Variants in SMG6 observed in about 807,000 individuals in gnomAD.
SMG6 encodes telomerase-binding protein EST1A.
A neutral mutation model predicts 142.2 loss-of-function variants in SMG6; 66 were observed. That is an observed-to-expected ratio of 0.46 (90% CI 0.38 to 0.57). SMG6 has a LOEUF of 0.57. Among genes scored for constraint, SMG6 ranks in the 20% least tolerant of loss-of-function variants. SMG6 has a pLI of 0.00. For synonymous variants in SMG6, 779 were observed against 702.4 expected, an observed-to-expected ratio of 1.11 and a Z score of -1.72; for missense variants, 1,793 against 1,832.0, an observed-to-expected ratio of 0.98 and a Z score of 0.39.
rs1391864491 is a variant in SMG6, at chr17:2,085,206, C to T, written c.3534+519G>A. Among the ~76,000 whole-genome samples, 1 of 145,902 alleles carries T rather than the reference C, an allele frequency of 6.9e-6. No individual in the cohort carries two copies. The highest frequency in any genetic ancestry group is 1.5e-5 in the Non-Finnish European group (1 of 66,664). On this transcript the variant is annotated intron_variant, in intron 14 of 18. Coordinates refer to ENST00000263073, the MANE Select transcript of SMG6 (RefSeq NM_017575.5). This position sits in a 1 kb window ranked among gnomAD's most constrained non-coding sequence, Gnocchi z 4.1. Reference sequence around the variant, plus strand: ...TGGAGTGAAGCAAGGGCTACAGGAACAACCAAGGGCAAACAAACAAGAGGA... The same window carrying T: ...TGGAGTGAAGCAAGGGCTACAGGAATAACCAAGGGCAAACAAACAAGAGGA...
At chr17:2,117,456 G>T (rs1326020735) in intron 13 of SMG6, among the ~76,000 whole-genome samples, 1 of 151,982 alleles carries the variant, frequency 6.6e-6, no homozygotes, top group Non-Finnish European at 1.5e-5. Flanking sequence ...ATGTCTTTAG[G>T]ATTGAAGGAT....
chr17:2,280,684 A>ATTTT, intron 8 of SMG6: 4 of 653,992 alleles, frequency 6.1e-6, no homozygotes, highest in South Asian at 6.8e-5. Flanking sequence ...CTAAAAATAT[A>ATTTT]TAGTTTCATC....
chr17:2,275,601 T>C (rs1567738803), intron 8 of SMG6, among the ~76,000 whole-genome samples: 1 of 152,216 alleles, frequency 6.6e-6, no homozygotes, highest in Non-Finnish European at 1.5e-5. Context: ...CTTTTCAGTG[T>C]GAAAATGATT....
chr17:2,209,351 C>T (rs184451240), intron 10 of SMG6, among the ~76,000 whole-genome samples: 21 of 152,076 alleles, frequency 1.4e-4, no homozygotes, highest in Admixed American at 5.9e-4. Context: ...TACACGTGCA[C>T]GCCACCATGC....
intron 10 of SMG6, among the ~76,000 whole-genome samples, chr17:2,227,732 A>C (rs2073359018): frequency 6.6e-6 from 1 of 152,198 alleles, no homozygotes; most frequent in Non-Finnish European, 1.5e-5. Flanking sequence ...ATTGTATGTA[A>C]ACTTTACTTC....
At chr17:2,074,360 T>C (rs1054625292) in intron 15 of SMG6, among the ~76,000 whole-genome samples, 18 of 152,060 alleles carry the variant, frequency 1.2e-4, no homozygotes, top group African/African-American at 1.7e-4. Flanking sequence ...TGGCTAACTG[T>C]TCATCCTGGG....
intron 13 of SMG6, among the ~76,000 whole-genome samples, chr17:2,149,221 A>G (rs558032332): frequency 0.01 from 1,577 of 151,708 alleles, 30 homozygotes; most frequent in African/African-American, 0.034. Flanking sequence ...GTGGTGGCAC[A>G]TGCCTGTAAT....
intron 13 of SMG6, chr17:2,087,201 A>G (rs760137239): frequency 7.7e-7 from 1 of 1,290,462 alleles, no homozygotes; most frequent in South Asian, 1.2e-5. Context: ...TGTAAGGACA[A>G]GCTGTGCACA....
chr17:2,220,714 T>C (rs1216473654), intron 10 of SMG6, among the ~76,000 whole-genome samples: 1 of 152,234 alleles, frequency 6.6e-6, no homozygotes, highest in Non-Finnish European at 1.5e-5. Flanking sequence ...TACTATTATT[T>C]GTATGTAAAT....
intron 8 of SMG6, among the ~76,000 whole-genome samples, chr17:2,277,684 T>C (rs1443107742): frequency 3.3e-4 from 50 of 152,216 alleles, no homozygotes; most frequent in Admixed American, 3.3e-3. Context: ...ATAATTTATG[T>C]TCAAATAATA....
intron 13 of SMG6, 64 bp downstream of exon 13, chr17:2,172,594 A>G: frequency 6.4e-7 from 1 of 1,563,576 alleles, no homozygotes. Flanking sequence ...CTTCCCAAGA[A>G]TAAAAAAGTC....
intron 13 of SMG6, among the ~76,000 whole-genome samples, chr17:2,111,984 G>C (rs1233478727): frequency 6.6e-6 from 1 of 152,130 alleles, no homozygotes; most frequent in Non-Finnish European, 1.5e-5. Flanking sequence ...TATCTTCCCT[G>C]TGGTTTATCT....
At chr17:2,282,594 C>A in intron 8 of SMG6, 53 bp downstream of exon 8, 1 of 1,571,516 alleles carries the variant, frequency 6.4e-7, no homozygotes, top group East Asian at 2.2e-5. Flanking sequence ...TGAACCAGGG[C>A]ACCCAGGCTT....
intron 10 of SMG6, among the ~76,000 whole-genome samples, chr17:2,225,925 T>C (rs1220991602): frequency 6.6e-6 from 1 of 151,818 alleles, no homozygotes; most frequent in African/African-American, 2.4e-5. Context: ...CCGGAGAAAA[T>C]TTCTGCAAAA....
chr17:2,172,984 A>G, intron 12 of SMG6, 125 bp from the exon 13 acceptor site: 1 of 887,988 alleles, frequency 1.1e-6, no homozygotes, highest in Non-Finnish European at 1.7e-6. Flanking sequence ...CTGCCAGGAA[A>G]TCATACCCCA....
At chr17:2,298,108 A>G (rs2075184166) in intron 2 of SMG6, 53 bp from the exon 3 acceptor site, 2 of 1,522,538 alleles carry the variant, frequency 1.3e-6, no homozygotes, top group East Asian at 2.3e-5. Flanking sequence ...AGAAAAAGCT[A>G]GACTCAAGTT....
At position 2,299,143 on chromosome 17, in the gene SMG6, C is replaced by A. The variant is rs769291662; in HGVS notation, c.1610G>T (p.Gly537Val). ...PLQYPVGPTN[G>V]VYPGPYYPGY... ...TGGGTAGTAAGGCCCTGGGTACACACCATTCGTAGGGCCCACTGGGTACTG... is the reference window on the plus strand; with the variant it reads ...TGGGTAGTAAGGCCCTGGGTACACAACATTCGTAGGGCCCACTGGGTACTG... Residue 537 changes from glycine to valine, a missense_variant, in exon 2 of 19, where the codon GGT becomes GTT. Transcript: ENST00000263073. The surrounding 1 kb of genome is among the most constrained non-coding windows in gnomAD (Gnocchi z 4.3). 1.9e-6 allele frequency: 3 copies of A among 1,613,210 alleles called. No homozygotes were observed. Among genetic ancestry groups the A allele is most frequent in the Non-Finnish European group, 2.5e-6 (3 of 1,179,396 alleles).
Position 2,292,558 on chromosome 17 carries a change from C to G in SMG6, c.2331G>C (p.Val777=). 1 of 1,614,192 alleles carries G rather than the reference C, an allele frequency of 6.2e-7. No homozygotes were observed. The highest frequency in any genetic ancestry group is 8.5e-7 in the Non-Finnish European group (1 of 1,180,012). The stretch of plus-strand genomic sequence containing the variant: ...TGTCCACAGGATTTCTTACCGTATA[C>G]ACTGCCAGCAAAGCCAACTGGTTAT... ...RPYNQLALLA[V]YTRRKLDAVY... Residue 777 remains valine (V), a synonymous_variant, in exon 6 of 19, where the codon GTG becomes GTC. Coordinates refer to ENST00000263073, the MANE Select transcript of SMG6 (RefSeq NM_017575.5).
At chr17:2,265,702 T>A (rs889194607) in intron 8 of SMG6, among the ~76,000 whole-genome samples, 7 of 152,248 alleles carry the variant, frequency 4.6e-5, no homozygotes, top group African/African-American at 1.4e-4. Flanking sequence ...GTGTTGCTCT[T>A]TTTAAACAAC....
Sources: allele counts gnomAD v4.1 joint callset (sites outside exome capture counted in the v4.1 genomes callset), GRCh38; gene constraint gnomAD v4.1.1; non-coding constraint Gnocchi (gnomAD v3.1); transcripts MANE v1.5; gene names NCBI Gene and HGNC (gene_info 2026-07-23, HGNC 2026-07-21).